Variants in ATG2A observed in about 807,000 individuals in gnomAD.
The protein encoded by ATG2A is autophagy related 2A, also known as autophagy-related protein 2 homolog A.
In ATG2A, 103 loss-of-function variants were observed where a neutral mutation model predicts 214.2. The ratio of observed to expected loss-of-function variants is 0.48; its 90% confidence interval spans 0.41 to 0.57. ATG2A has a LOEUF of 0.57. Ranked by LOEUF, ATG2A falls within the 20% of genes least tolerant of loss-of-function variation. The probability of loss-of-function intolerance (pLI) is 0.00; values close to 1 mark genes in which losing one functional copy is unlikely to be tolerated. For missense variants in ATG2A, 2,312 were observed against 2,613.2 expected (o/e 0.88, Z 2.51); for synonymous variants, 1,160 against 1,142.1 (o/e 1.02, Z -0.32).
chr11:64,909,962 C>G, intron 13 of ATG2A, 38 bp from the exon 14 acceptor site: 1 of 1,579,196 alleles, frequency 6.3e-7, no homozygotes, highest in Non-Finnish European at 8.6e-7. Context: ...CCGTCGGAGC[C>G]CCTCCCACTG....
At chr11:64,896,921 G>A in intron 37 of ATG2A, 52 bp from the exon 38 acceptor site, 2 of 1,603,166 alleles carry the variant, frequency 1.2e-6, no homozygotes, top group Middle Eastern at 1.7e-4. Context: ...GCCACACATG[G>A]AGGGATTGTG....
intron 24 of ATG2A, among the ~76,000 whole-genome samples, 176 bp downstream of exon 24, chr11:64,905,387 G>A (rs1944505510): frequency 6.6e-6 from 1 of 152,178 alleles, no homozygotes; most frequent in Non-Finnish European, 1.5e-5. Context: ...ATGCTTATAA[G>A]GGTCTCATCA....
rs1291224740 is a variant in ATG2A, at chr11:64,902,099, G to A, written c.3982C>T (p.Pro1328Ser). 1 of 1,613,892 alleles carries A rather than the reference G, an allele frequency of 6.2e-7. No homozygotes were observed. The highest frequency in any genetic ancestry group is 1.3e-5 in the African/African-American group (1 of 74,932). Residue 1328 changes from proline to serine, a missense_variant, in exon 29 of 41, where the codon CCA (proline) becomes TCA (serine). Pro to Ser is a moderately conservative substitution (Grantham distance 74). Coordinates refer to ENST00000377264, the MANE Select transcript of ATG2A (RefSeq NM_015104.3). The part of the protein sequence containing the change: ...GERSGAPPPS[P>S]PVGGPAGSLG... ...CTGCCAGCAGGGCCCCCGACAGGTG[G>A]TGAAGGGGGTGGGGCCCCACTCCGT...
In ATG2A at chr11:64,895,348, C is replaced by A. The variant is rs935545659; in HGVS notation, c.5522G>T (p.Gly1841Val). ...CTCCCGCAGGTCGGCAGGCTGCTGGCCCCTGCGCAGCCTCCGCGCAGAGCG... is the reference window on the plus strand; with the variant it reads ...CTCCCGCAGGTCGGCAGGCTGCTGGACCCTGCGCAGCCTCCGCGCAGAGCG... ...DKRSARRLRR[G>V]QQPADLREGV... Residue 1841 changes from glycine (G) to valine (V), a missense_variant, in exon 40 of 41, where the codon GGC (glycine) becomes GTC (valine). Physicochemically the swap from Gly to Val is moderately radical, Grantham distance 109. Transcript: ENST00000377264. This position sits in a 1 kb window ranked among gnomAD's most constrained non-coding sequence, Gnocchi z 5.0. 2.5e-6 allele frequency: 4 copies of A among 1,613,218 alleles called. No homozygotes were observed. In the South Asian group the frequency reaches 3.3e-5, roughly 13 times the overall value.
intron 19 of ATG2A, 148 bp from the exon 20 acceptor site, chr11:64,906,963 G>T: frequency 9.3e-7 from 1 of 1,074,170 alleles, no homozygotes; most frequent in Non-Finnish European, 1.3e-6. Flanking sequence ...GATGGCACTT[G>T]CCTCTTTTGC....
In ATG2A at chr11:64,895,421, C is replaced by A. The variant is rs747321490; in HGVS notation, c.5449G>T (p.Asp1817Tyr). ...ACGGGGGCTGCCGGGGACAGGATGT[C>A]ATACACGGTCTCAGCTGTGGCCTGG... ...AIQATAETVY[D>Y]ILSPAAPVSR... The change falls in exon 40 of 41, where the codon GAC becomes TAC. Residue 1817 changes from aspartate to tyrosine, a missense_variant. Physicochemically the swap from Asp to Tyr is radical, Grantham distance 160 (BLOSUM62 -3). Coordinates refer to ENST00000377264, the MANE Select transcript of ATG2A (RefSeq NM_015104.3). The surrounding 1 kb of genome is among the most constrained non-coding windows in gnomAD (Gnocchi z 5.0). 8 of 1,599,118 alleles carry A rather than the reference C, an allele frequency of 5.0e-6. No homozygotes were observed. The highest frequency in any genetic ancestry group is 6.8e-6 in the Non-Finnish European group (8 of 1,172,174).
intron 12 of ATG2A, 51 bp downstream of exon 12, chr11:64,910,564 TG>T: frequency 1.3e-6 from 2 of 1,539,952 alleles, no homozygotes. Flanking sequence ...GAGGCCAGGG[TG>T]GGGTCAACAC....
chr11:64,905,563 C>T lies in ATG2A; in HGVS notation c.3464G>A (p.Arg1155Lys), dbSNP rs1944512461. ...GCCCAGTGTGGGGCGGCCTGCATACCTGAGCAGGAAGGTGGAGGTGTCCAT... is the reference window on the plus strand; with the variant it reads ...GCCCAGTGTGGGGCGGCCTGCATACTTGAGCAGGAAGGTGGAGGTGTCCAT... ...IIMDTSTFLL[R>K]FILDDSALYL... The change falls in exon 24 of 41, where the codon AGG (arginine) becomes AAG (lysine). Residue 1155 changes from arginine to lysine, a missense_variant and splice_region_variant. Arg to Lys is a conservative substitution (Grantham distance 26). Coordinates refer to ENST00000377264, the MANE Select transcript of ATG2A (RefSeq NM_015104.3). 1 of 1,610,196 alleles carries T rather than the reference C, an allele frequency of 6.2e-7. No homozygotes were observed. The highest frequency in any genetic ancestry group is 8.5e-7 in the Non-Finnish European group (1 of 1,178,558).
In ATG2A at chr11:64,903,582, C is replaced by T; in HGVS notation, c.3535+8G>A. Reference sequence around the variant, plus strand: ...GAGGGGAGGGAGCCCAGTCCCGGCCCTGCCCACCTCGCCGCAGGTCCAGGG... The same window carrying T: ...GAGGGGAGGGAGCCCAGTCCCGGCCTTGCCCACCTCGCCGCAGGTCCAGGG... On this transcript the variant is annotated splice_region_variant and intron_variant, in intron 25 of 40. Coordinates refer to ENST00000377264, the MANE Select transcript of ATG2A (RefSeq NM_015104.3). This position sits in a 1 kb window ranked among gnomAD's most constrained non-coding sequence, Gnocchi z 4.2. 2 of 1,546,470 alleles carry T rather than the reference C, an allele frequency of 1.3e-6. No homozygotes were observed. Among genetic ancestry groups the T allele is most frequent in the South Asian group, 1.2e-5 (1 of 83,858 alleles).
At chr11:64,904,446 G>A (rs1395647901) in intron 24 of ATG2A, among the ~76,000 whole-genome samples, 2 of 152,010 alleles carry the variant, frequency 1.3e-5, no homozygotes, top group African/African-American at 4.8e-5. Flanking sequence ...TTGGGAGGCT[G>A]AGGCAGGAGA....
intron 6 of ATG2A, 46 bp from the exon 7 acceptor site, chr11:64,912,469 C>A (rs907794552): frequency 1.3e-6 from 2 of 1,491,384 alleles, no homozygotes; most frequent in Admixed American, 2.2e-5. Flanking sequence ...CACCACCCAG[C>A]TCCTCTAAGA....
Position 64,897,426 on chromosome 11 carries a change from G to C in ATG2A, c.5136C>G (p.Leu1712=), listed in dbSNP as rs1944193177. 2 of 1,566,624 alleles carry C rather than the reference G, an allele frequency of 1.3e-6. No individual in the cohort carries two copies. Among genetic ancestry groups the C allele is most frequent in the African/African-American group, 2.7e-5 (2 of 73,838 alleles). Reference sequence around the variant, plus strand: ...TGGGGACTCACCCGTGCCTGCAACAGAGCCGCTTTAGCTTCAGCTCGGAGC... The same window carrying C: ...TGGGGACTCACCCGTGCCTGCAACACAGCCGCTTTAGCTTCAGCTCGGAGC... ...LNCSELKLKR[L]CCRHGLLGVD... is the part of the protein sequence containing the mutation. Residue 1712 remains leucine (L), a synonymous_variant, in exon 37 of 41, where the codon CTC becomes CTG. Coordinates refer to ENST00000377264, the MANE Select transcript of ATG2A (RefSeq NM_015104.3).
At position 64,914,409 on chromosome 11, in the gene ATG2A, G is replaced by A. The variant is rs753933089; in HGVS notation, c.263C>T (p.Ala88Val). The change falls in exon 2 of 41, where the codon GCT becomes GTT. Residue 88 changes from alanine to valine, a missense_variant. Ala to Val is a moderately conservative substitution (Grantham distance 64). Transcript: ENST00000377264. ...CACTGTGCAGTGGTCGGTGAGCAGAGCAGCCCAGGGCACGGCCACCTCGAT... is the reference window on the plus strand; with the variant it reads ...CACTGTGCAGTGGTCGGTGAGCAGAACAGCCCAGGGCACGGCCACCTCGAT... ...GSIEVAVPWA[A>V]LLTDHCTVRV... 3 of 1,612,248 alleles carry A rather than the reference G, an allele frequency of 1.9e-6. No homozygotes were observed. Among genetic ancestry groups the A allele is most frequent in the Non-Finnish European group, 2.5e-6 (3 of 1,179,636 alleles).
rs760864866 is a variant in ATG2A at position 64,903,246 on chromosome 11, AC to A, written c.3612+41del. On this transcript the variant is annotated intron_variant, in intron 26 of 40. Transcript: ENST00000377264. The surrounding 1 kb of genome is among the most constrained non-coding windows in gnomAD (Gnocchi z 4.2). ...CCCTGAAGACTCCCTTGGCCCCTGCACCTGCTGTGGCTCCAGGAGCCAGAGT... is the reference window on the plus strand; with the variant it reads ...CCCTGAAGACTCCCTTGGCCCCTGCACTGCTGTGGCTCCAGGAGCCAGAGT... The A allele has an allele frequency of 1.4e-5, 23 of 1,594,466 alleles. No homozygotes were observed. Among genetic ancestry groups the A allele is most frequent in the Non-Finnish European group, 1.9e-5 (22 of 1,163,296 alleles).
chr11:64,913,956 A>G lies in ATG2A; in HGVS notation c.488-33T>C, dbSNP rs1187116780. On this transcript the variant is annotated intron_variant, in intron 3 of 40. Transcript: ENST00000377264. This position sits in a 1 kb window ranked among gnomAD's most constrained non-coding sequence, Gnocchi z 4.3. ...GTTGGGGAGGGGTCTCAGGTCAGGT[A>G]GAGCAGCAAAGGGGAGGCAGAATTT... 1 of 1,607,660 alleles carries G rather than the reference A, an allele frequency of 6.2e-7. No homozygotes were observed. Among genetic ancestry groups the G allele is most frequent in the Non-Finnish European group, 8.5e-7 (1 of 1,176,482 alleles).
In ATG2A at chr11:64,898,975, G is replaced by A. The variant is rs1038520904; in HGVS notation, c.4465-133C>T. On this transcript the variant is annotated intron_variant, in intron 31 of 40. Coordinates refer to ENST00000377264, the MANE Select transcript of ATG2A (RefSeq NM_015104.3). The surrounding 1 kb of genome is among the most constrained non-coding windows in gnomAD (Gnocchi z 4.5). ...GTCGCCCAGGTTGGAGTGCAGTGGC[G>A]TGATCTCGGCTCACTGCAACCTCTG... is the stretch of plus-strand genomic sequence containing the variant. The A allele has an allele frequency of 2.2e-4, 180 of 805,324 alleles. No homozygotes were observed. The highest frequency in any genetic ancestry group is 5.8e-5 in the Non-Finnish European group (30 of 515,924). 49.9% of individuals were successfully genotyped at this position (805,324 alleles called of 1,614,324 possible).
intron 29 of ATG2A, 90 bp from the exon 30 acceptor site, chr11:64,901,182 A>ATTTTTT: frequency 9.0e-7 from 1 of 1,117,150 alleles, no homozygotes; most frequent in Non-Finnish European, 1.2e-6. Context: ...CTTCTTTTTC[A>ATTTTTT]TTTTTTTTTT....
Position 64,907,770 on chromosome 11 carries a change from C to A in ATG2A, c.2485G>T (p.Val829Phe). ...CACCTGTTGTAGATGCTCTCGTAGA[C>A]CTCCTTGCTGGGCAGAAAGATGTGG... ...SVHIFLPSKEVYESIYNRINN... is the reference protein window; with the variant it reads ...SVHIFLPSKEFYESIYNRINN... The change falls in exon 17 of 41, where the codon GTC becomes TTC. Residue 829 changes from valine (V) to phenylalanine (F), a missense_variant. Val to Phe is a conservative substitution (Grantham distance 50, BLOSUM62 -1). Transcript: ENST00000377264. The A allele has an allele frequency of 2.5e-6, 4 of 1,613,468 alleles. No homozygotes were observed. The highest frequency in any genetic ancestry group is 1.1e-5 in the South Asian group (1 of 91,038).
At position 64,909,857 on chromosome 11, in the gene ATG2A, C is replaced by T. The variant is rs1323827063; in HGVS notation, c.1931G>A (p.Arg644Gln). The T allele has an allele frequency of 6.2e-6, 10 of 1,609,600 alleles. No individual in the cohort carries two copies. In the Admixed American group the frequency reaches 6.7e-5, roughly 11 times the overall value. ...FRLSAPRATLRLRFPIADLRP... is the reference protein window; with the variant it reads ...FRLSAPRATLQLRFPIADLRP... ...CAGGTCGGCAATGGGGAAGCGCAGC[C>T]GCAGCGTGGCCCGGGGTGCAGAGAG... The change falls in exon 14 of 41, where the codon CGG becomes CAG. Residue 644 changes from arginine to glutamine, a missense_variant. Coordinates refer to ENST00000377264, the MANE Select transcript of ATG2A (RefSeq NM_015104.3).
Sources: allele counts gnomAD v4.1 joint callset (sites outside exome capture counted in the v4.1 genomes callset), GRCh38; gene constraint gnomAD v4.1.1; non-coding constraint Gnocchi (gnomAD v3.1); transcripts MANE v1.5; gene names NCBI Gene and HGNC (gene_info 2026-07-23, HGNC 2026-07-21).